The following SP140 variants were observed in gnomAD, a reference collection of about 807,000 sequenced individuals.
The protein encoded by SP140 is nuclear body protein SP140.
In SP140, 81 loss-of-function variants were observed where a neutral mutation model predicts 125.0. That is an observed-to-expected ratio of 0.65 (90% CI 0.54 to 0.78). The LOEUF is 0.78. Among genes scored for constraint, SP140 ranks in the 30% least tolerant of loss-of-function variants. The pLI, the probability that SP140 is intolerant of heterozygous loss-of-function variation, is 0.00. For missense variants in SP140, 858 were observed against 1,037.0 expected (o/e 0.83, Z 2.37); for synonymous variants, 312 against 354.0 (o/e 0.88, Z 1.33).
At chr2:230,280,778 C>A (rs1243170174) in intron 15 of SP140, among the ~76,000 whole-genome samples, 2 of 151,976 alleles carry the variant, frequency 1.3e-5, no homozygotes, top group Non-Finnish European at 2.9e-5. Flanking sequence ...AATTTTGAAA[C>A]TATTATCATT....
intron 1 of SP140, among the ~76,000 whole-genome samples, chr2:230,203,912 A>C (rs1471109640): frequency 1.3e-5 from 2 of 152,172 alleles, no homozygotes; most frequent in African/African-American, 4.8e-5. Context: ...CTGGAGATGG[A>C]TGGTGGTGAT....
upstream of SP140, chr2:230,202,743 G>A (rs1424162378): frequency 3.1e-6 from 5 of 1,613,792 alleles, no homozygotes; most frequent in South Asian, 3.3e-5. Context: ...ACCAAATAAT[G>A]ACTTGTTAAT....
At position 230,294,273 on chromosome 2, in the gene SP140, T is replaced by A; in HGVS notation, c.1971T>A (p.Asn657Lys). Residue 657 changes from asparagine to lysine, a missense_variant and splice_region_variant, in exon 21 of 27, where the codon AAT becomes AAA. Physicochemically the swap from Asn to Lys is moderately conservative, Grantham distance 94. Around this residue, in one of 4 missense-constraint regions of SP140, gnomAD observed 791 missense variants for 869.5 expected, o/e 0.91. Coordinates refer to ENST00000392045, the MANE Select transcript of SP140 (RefSeq NM_007237.5). Reference protein sequence around the residue: ...GGWPLRWLMENGFLPDPPRIR... With the variant: ...GGWPLRWLMEKGFLPDPPRIR... ...ACCTGAATCTTTTTGTCTTTCAGAA[T>A]GGATTTCTGCCTGATCCTCCAAGAA... 2 of 1,613,202 alleles carry A rather than the reference T, an allele frequency of 1.2e-6. No homozygotes were observed. The highest frequency in any genetic ancestry group is 1.7e-6 in the Non-Finnish European group (2 of 1,179,198).
intron 22 of SP140, among the ~76,000 whole-genome samples, chr2:230,304,255 G>A (rs540617564): frequency 1.3e-5 from 2 of 152,206 alleles, no homozygotes; most frequent in Non-Finnish European, 2.9e-5. Flanking sequence ...AATCACAGAT[G>A]ACACAAACAA....
intron 22 of SP140, 56 bp from the exon 23 acceptor site, chr2:230,309,868 T>C (rs2059168004): frequency 1.9e-6 from 3 of 1,590,284 alleles, no homozygotes; most frequent in Non-Finnish European, 2.6e-6. Flanking sequence ...GCCCAGAGGG[T>C]TGGCCTTCCT....
chr2:230,193,410 C>T, the SP140 span, among the ~76,000 whole-genome samples: 1 of 152,162 alleles, frequency 6.6e-6, no homozygotes, highest in Admixed American at 6.6e-5. Context: ...TTGTTACCTA[C>T]ATACGTTGTT....
intron 1 of SP140, chr2:230,212,306 G>C (rs1175010353): frequency 6.9e-7 from 1 of 1,451,488 alleles, no homozygotes; most frequent in Non-Finnish European, 9.7e-7. Flanking sequence ...TCCCTTCACA[G>C]TCACCTTGAG....
intron 3 of SP140, among the ~76,000 whole-genome samples, chr2:230,217,631 T>C (rs1574800587): frequency 1.3e-5 from 2 of 152,304 alleles, no homozygotes; most frequent in East Asian, 3.9e-4. Context: ...GTTTATACTG[T>C]TGAGGAACTG....
In SP140 at chr2:230,258,527, T is replaced by A. The variant is rs560775581; in HGVS notation, c.1240+2995T>A. Among the ~76,000 whole-genome samples the A allele has an allele frequency of 6.6e-5, 10 of 152,348 alleles. 1 individual carries two copies. In the East Asian group the frequency reaches 1.9e-3, roughly 29 times the overall value. On this transcript the variant is annotated intron_variant, in intron 12 of 26. Coordinates refer to ENST00000392045, the MANE Select transcript of SP140 (RefSeq NM_007237.5). Reference sequence around the variant, plus strand: ...AATTTGCCATGAAATATCTTGCTTTTATTATTATTTTCACATCACTCTAAT... The same window carrying A: ...AATTTGCCATGAAATATCTTGCTTTAATTATTATTTTCACATCACTCTAAT...
At chr2:230,296,696 G>A (rs1036059278) in intron 21 of SP140, among the ~76,000 whole-genome samples, 1 of 152,168 alleles carries the variant, frequency 6.6e-6, no homozygotes, top group Non-Finnish European at 1.5e-5. Flanking sequence ...TCTGAGTCCT[G>A]TGGTCCCAGG....
upstream of SP140, among the ~76,000 whole-genome samples, chr2:230,222,521 C>G (rs1227596726): frequency 6.6e-6 from 1 of 152,062 alleles, no homozygotes; most frequent in Non-Finnish European, 1.5e-5. Flanking sequence ...GTGTTTGAGA[C>G]CAGCCTGGAC....
At chr2:230,274,983 A>G (rs1184050260) in intron 15 of SP140, among the ~76,000 whole-genome samples, 1 of 152,074 alleles carries the variant, frequency 6.6e-6, no homozygotes, top group Non-Finnish European at 1.5e-5. Context: ...GTTTTATTTC[A>G]TTCCTGTTTT....
chr2:230,256,874 G>T (rs528472781), intron 12 of SP140, among the ~76,000 whole-genome samples: 8 of 152,282 alleles, frequency 5.3e-5, no homozygotes, highest in African/African-American at 1.9e-4. Flanking sequence ...TTATGTCATT[G>T]GATCATGCAG....
chr2:230,253,342 G>A lies in SP140; in HGVS notation c.1084G>A (p.Asp362Asn). 6.2e-7 allele frequency: 1 copy of A among 1,612,364 alleles called. No homozygotes were observed. The highest frequency in any genetic ancestry group is 8.5e-7 in the Non-Finnish European group (1 of 1,178,502). ...SVSCLSAETF[D>N]LKTPQVTNEG... The stretch of plus-strand genomic sequence containing the variant: ...TTCTTGTTTATCTGCAGAGACCTTT[G>A]ATCTAAAGACTCCCCAAGTCACTAA... The change falls in exon 11 of 27, where the codon GAT becomes AAT. Residue 362 changes from aspartate to asparagine, a missense_variant. Physicochemically the swap from Asp to Asn is conservative, Grantham distance 23. This residue lies in a region of SP140 where 791 missense variants were observed against 869.5 expected (regional missense o/e 0.91). Transcript: ENST00000392045.
Position 230,215,617 on chromosome 2 carries a change from T to C in SP140, c.-91+1543T>C, listed in dbSNP as rs58898798. On this transcript the variant is annotated intron_variant, in intron 3 of 4. Transcript: ENST00000456542. ...CACAGAGAAGTCACCCTGAGAATTT[T>C]CCTTGCCTAGAGGATGGACAAAAGG... Among the ~76,000 whole-genome samples, 104 of 152,340 alleles carry C rather than the reference T, an allele frequency of 6.8e-4. 1 individual carries two copies. In the East Asian group the frequency reaches 0.015, roughly 22 times the overall value.
rs200396441 is a variant in SP140 at position 230,212,903 on chromosome 2, T to C, written c.-322-751T>C. On this transcript the variant is annotated intron_variant, in intron 1 of 4. Transcript: ENST00000456542. ...CTCTTGGCGCACAGGGTGAACAGCT[T>C]GGTTGAGGGGGTTGTGGTGGGGGCA... The C allele has an allele frequency of 8.1e-6, 13 of 1,613,754 alleles. 1 individual carries two copies. The African/African-American group carries it at 1.5e-4, about 18-fold the overall frequency.
At chr2:230,279,937 T>A (rs1343319510) in intron 15 of SP140, among the ~76,000 whole-genome samples, 1 of 152,026 alleles carries the variant, frequency 6.6e-6, no homozygotes, top group South Asian at 2.1e-4. Context: ...TTTTTTTTTT[T>A]AATTTGCAAC....
At chr2:230,312,428 CACA>C (rs769579933) in intron 26 of SP140, among the ~76,000 whole-genome samples, 155 bp from the exon 27 acceptor site, 3 of 152,104 alleles carry the variant, frequency 2.0e-5, no homozygotes, top group South Asian at 2.1e-4. Context: ...AGTCATAAAT[CACA>C]ACATTACTTT....
intron 15 of SP140, among the ~76,000 whole-genome samples, chr2:230,279,116 A>C (rs2055152489): frequency 6.6e-6 from 1 of 152,142 alleles, no homozygotes; most frequent in Admixed American, 6.6e-5. Flanking sequence ...AGTTAACAAG[A>C]GGTGAAATAT....
Sources: allele counts gnomAD v4.1 joint callset (sites outside exome capture counted in the v4.1 genomes callset), GRCh38; gene constraint gnomAD v4.1.1; regional missense constraint gnomAD v4.1.1; transcripts MANE v1.5; gene names NCBI Gene and HGNC (gene_info 2026-07-23, HGNC 2026-07-21).